The following FADS2 variants were observed in gnomAD, a reference collection of about 807,000 sequenced individuals.
FADS2 encodes the protein fatty acid desaturase 2, also known as acyl-CoA 6-desaturase.
Under a neutral mutation model 61.2 loss-of-function variants are expected in FADS2, and 18 were observed. That is an observed-to-expected ratio of 0.29 (90% CI 0.20 to 0.44). The LOEUF (loss-of-function observed/expected upper bound fraction) is 0.44. Ranked by LOEUF, FADS2 falls within the 20% of genes least tolerant of loss-of-function variation. The probability of loss-of-function intolerance (pLI) is 1.00; values close to 1 mark genes in which losing one functional copy is unlikely to be tolerated. For missense variants in FADS2, 322 were observed against 572.7 expected, an observed-to-expected ratio of 0.56 and a Z score of 4.47; for synonymous variants, 203 against 223.9, an observed-to-expected ratio of 0.91 and a Z score of 0.83.
chr11:61,821,511 A>G (rs375912619), intron 1 of FADS2: 6 of 688,406 alleles, frequency 8.7e-6, no homozygotes, highest in African/African-American at 5.3e-5. Context: ...GATCCTAAAC[A>G]TAATAGTTGG....
At chr11:61,846,107 C>G (rs1298028258) in intron 4 of FADS2, among the ~76,000 whole-genome samples, 2 of 151,424 alleles carry the variant, frequency 1.3e-5, no homozygotes, top group African/African-American at 4.8e-5. Context: ...TTCCTCGAGC[C>G]TCTAAGCTTT....
Position 61,865,788 on chromosome 11 carries a change from G to A in FADS2, c.*99G>A. 1.0e-6 allele frequency: 1 copy of A among 990,436 alleles called. No individual in the cohort carries two copies. Among genetic ancestry groups the A allele is most frequent in the South Asian group, 1.4e-5 (1 of 71,298 alleles). 61.4% of individuals were successfully genotyped at this position (990,436 alleles called of 1,614,324 possible). A position where few individuals can be genotyped will look rare whatever the true frequency, so the allele number is the denominator to read the frequency against. The stretch of plus-strand genomic sequence containing the variant: ...TCTGAGGGGTGTCCGAGAGGCTGGT[G>A]TATGCACTGCTCACGGACCCCATGT... On this transcript the variant is annotated 3_prime_UTR_variant, in exon 12 of 12. Transcript: ENST00000278840. This position sits in a 1 kb window ranked among gnomAD's most constrained non-coding sequence, Gnocchi z 4.1.
upstream of FADS2, chr11:61,826,436 C>G (rs1342346955): frequency 1.6e-6 from 1 of 615,836 alleles, no homozygotes; most frequent in East Asian, 3.0e-5. Flanking sequence ...CTGGTTCTGC[C>G]TTTCAGCTAT....
chr11:61,825,738 A>G (rs1274786647), upstream of FADS2, among the ~76,000 whole-genome samples: 1 of 149,300 alleles, frequency 6.7e-6, no homozygotes, highest in African/African-American at 2.5e-5. Context: ...TAAAAATACA[A>G]AAAAATTAGC....
upstream of FADS2, chr11:61,827,958 C>A: frequency 1.2e-6 from 1 of 836,256 alleles, no homozygotes; most frequent in Non-Finnish European, 1.5e-6. This position sits in a 1 kb window ranked among gnomAD's most constrained non-coding sequence, Gnocchi z 4.5. Flanking sequence ...GCAGGCGGGG[C>A]GACGCGACCG....
rs1474704843 is a variant in FADS2 at position 61,866,469 on chromosome 11, T to C, written c.*780T>C. The C allele has an allele frequency of 1.3e-5, 2 of 153,796 alleles. No individual in the cohort carries two copies. Among genetic ancestry groups the C allele is most frequent in the Non-Finnish European group, 2.9e-5 (2 of 69,158 alleles). 9.5% of individuals were successfully genotyped at this position (153,796 alleles called of 1,614,324 possible). On this transcript the variant is annotated 3_prime_UTR_variant, in exon 12 of 12. Transcript: ENST00000278840. ...GTCTCTTGTGACTCAGCAGAGGCAG[T>C]GGCCACGTTCAGGGAGGGGCCGGCT...
chr11:61,823,484 C>T (rs988301918), upstream of FADS2, among the ~76,000 whole-genome samples: 1 of 152,158 alleles, frequency 6.6e-6, no homozygotes, highest in African/African-American at 2.4e-5. Flanking sequence ...TACCTTTTAT[C>T]AATGTCCACC....
At chr11:61,824,272 C>T (rs780496830), upstream of FADS2, among the ~76,000 whole-genome samples, 42 of 151,648 alleles carry the variant, frequency 2.8e-4, 1 homozygote, top group Non-Finnish European at 5.4e-4. Context: ...ATCCCAGCTA[C>T]TCGGGAGGCT....
chr11:61,835,484 T>C (rs549818329), intron 1 of FADS2, among the ~76,000 whole-genome samples: 1 of 148,222 alleles, frequency 6.7e-6, no homozygotes, highest in Middle Eastern at 3.5e-3. Flanking sequence ...ACCTTCCACC[T>C]CCCTGGCTAA....
intron 4 of FADS2, among the ~76,000 whole-genome samples, chr11:61,846,126 CTTTTCT>C (rs2067256930): frequency 7.0e-5 from 10 of 143,036 alleles, no homozygotes; most frequent in South Asian, 4.4e-4. Flanking sequence ...TTCTTTCTTT[CTTTTCT>C]TTTTTTTTTT....
rs894052934 is a variant in FADS2 at position 61,865,771 on chromosome 11, G to T, written c.*82G>T. 1.7e-6 allele frequency: 2 copies of T among 1,211,918 alleles called. No individual in the cohort carries two copies. Among genetic ancestry groups the T allele is most frequent in the Non-Finnish European group, 2.4e-6 (2 of 836,066 alleles). 75.1% of individuals were successfully genotyped at this position (1,211,918 alleles called of 1,614,324 possible). A position where few individuals can be genotyped will look rare whatever the true frequency, so the allele number is the denominator to read the frequency against. On this transcript the variant is annotated 3_prime_UTR_variant, in exon 12 of 12. Transcript: ENST00000278840. This position sits in a 1 kb window ranked among gnomAD's most constrained non-coding sequence, Gnocchi z 4.1. ...GAATGATGGGCTTTTGTTCTGAGGG[G>T]TGTCCGAGAGGCTGGTGTATGCACT...
chr11:61,836,141 AG>A (rs2067172442), intron 1 of FADS2, among the ~76,000 whole-genome samples: 1 of 152,238 alleles, frequency 6.6e-6, no homozygotes, highest in Non-Finnish European at 1.5e-5. Context: ...TCTGTCGCCC[AG>A]GCTGGAGTGC....
In FADS2 at chr11:61,816,393, C is replaced by G; in HGVS notation, c.108C>G (p.Pro36=). ...AGGCCTCTCTCCCGCCTTTTCATCC[C>G]GCATCCGCAGGACACCCAATCACCG... is the stretch of plus-strand genomic sequence containing the variant. The change falls in exon 1 of 12, where the codon CCC becomes CCG. Residue 36 remains proline (P), a synonymous_variant. Coordinates refer to the FADS2 transcript ENST00000257261. This position sits in a 1 kb window ranked among gnomAD's most constrained non-coding sequence, Gnocchi z 7.0. 6.3e-7 allele frequency: 1 copy of G among 1,598,542 alleles called. No homozygotes were observed. The highest frequency in any genetic ancestry group is 8.5e-7 in the Non-Finnish European group (1 of 1,179,810).
intron 7 of FADS2, 34 bp downstream of exon 7, chr11:61,857,564 A>AG (rs1194570799): frequency 6.3e-7 from 1 of 1,583,242 alleles, no homozygotes; most frequent in South Asian, 1.1e-5. Flanking sequence ...TGGCATGGGG[A>AG]GGAGGGTGAC....
intron 5 of FADS2, among the ~76,000 whole-genome samples, chr11:61,849,325 C>T (rs2067286985): frequency 6.6e-6 from 1 of 152,170 alleles, no homozygotes. Context: ...AAATATAGAA[C>T]ACACTTGGTA....
chr11:61,826,205 C>T (rs148425635), upstream of FADS2: 768 of 702,494 alleles, frequency 1.1e-3, 5 homozygotes, highest in African/African-American at 0.01. Flanking sequence ...CCCCATCTAC[C>T]GCCGGCCTCA....
chr11:61,843,901 T>G (rs1426360218), intron 4 of FADS2, among the ~76,000 whole-genome samples: 2 of 152,066 alleles, frequency 1.3e-5, no homozygotes, highest in African/African-American at 2.4e-5. Flanking sequence ...CCTAAGGTGA[T>G]CCACCTGCCT....
chr11:61,859,201 G>T (rs975809711), intron 7 of FADS2, among the ~76,000 whole-genome samples: 1 of 152,130 alleles, frequency 6.6e-6, no homozygotes, highest in Admixed American at 6.5e-5. Flanking sequence ...GGGATTACAG[G>T]CATGCGCCAC....
At chr11:61,843,577 ATCTAAGGGGACACCAGACAAAT>A (rs1028346058) in intron 4 of FADS2, among the ~76,000 whole-genome samples, 8 of 152,336 alleles carry the variant, frequency 5.3e-5, no homozygotes, top group Non-Finnish European at 7.4e-5. Context: ...AGGGTATAAA[ATCTAAGGGGACACCAGACAAAT>A]TCTAAGGGGA....
Sources: gnomAD v4.1 joint callset for allele counts (sites outside exome capture counted in the v4.1 genomes callset) on GRCh38, gnomAD v4.1.1 for gene constraint, Gnocchi (gnomAD v3.1) non-coding constraint, MANE v1.5 for transcripts, NCBI Gene and HGNC (gene_info 2026-07-23, HGNC 2026-07-21) for gene names.